Variants in MTFR1 observed in about 807,000 individuals in gnomAD.
MTFR1 encodes the protein mitochondrial fission regulator 1.
In MTFR1, 28 loss-of-function variants were observed where a neutral mutation model predicts 38.8. The observed-to-expected ratio is 0.72, with a 90% CI of 0.53 to 0.99. The LOEUF (loss-of-function observed/expected upper bound fraction) is 0.99. Among genes scored for constraint, MTFR1 ranks in the 50% least tolerant of loss-of-function variants. The pLI, the probability that MTFR1 is intolerant of heterozygous loss-of-function variation, is 0.00. For synonymous variants in MTFR1, 145 were observed against 137.0 expected, an observed-to-expected ratio of 1.06 and a Z score of -0.41; for missense variants, 358 against 395.5, an observed-to-expected ratio of 0.91 and a Z score of 0.81.
intron 1 of MTFR1, among the ~76,000 whole-genome samples, chr8:65,660,038 C>G (rs1809368283): frequency 6.6e-6 from 1 of 152,032 alleles, no homozygotes; most frequent in Admixed American, 6.6e-5. Flanking sequence ...GCCTGTAATC[C>G]CAGCACTTCG....
At chr8:65,741,388 T>C (rs1275233666) in intron 3 of MTFR1, among the ~76,000 whole-genome samples, 1 of 152,128 alleles carries the variant, frequency 6.6e-6, no homozygotes, top group African/African-American at 2.4e-5. Flanking sequence ...TTATGAAGGA[T>C]AATAAAGGAC....
intron 2 of MTFR1, among the ~76,000 whole-genome samples, chr8:65,677,023 A>G (rs561391498): frequency 6.6e-6 from 1 of 150,406 alleles, no homozygotes; most frequent in East Asian, 2.0e-4. Flanking sequence ...TTAAAAAAGC[A>G]GTTTTCATAG....
chr8:65,683,005 G>A, intron 3 of MTFR1: 2 of 843,206 alleles, frequency 2.4e-6, no homozygotes, highest in Non-Finnish European at 2.9e-6. Flanking sequence ...ACTTTTGAAA[G>A]TCTTAGTCTT....
chr8:65,742,123 T>C (rs1364262513), intron 3 of MTFR1, among the ~76,000 whole-genome samples: 1 of 152,224 alleles, frequency 6.6e-6, no homozygotes, highest in Non-Finnish European at 1.5e-5. Flanking sequence ...GAAGAACTTT[T>C]TAAAAAATGG....
chr8:65,762,547 C>G (rs1808553259), intron 3 of MTFR1, among the ~76,000 whole-genome samples: 1 of 152,154 alleles, frequency 6.6e-6, no homozygotes, highest in African/African-American at 2.4e-5. Flanking sequence ...GTTAAGGTCT[C>G]TAATCCTCAG....
At chr8:65,680,941 T>C (rs1804863543) in intron 2 of MTFR1, among the ~76,000 whole-genome samples, 1 of 137,744 alleles carries the variant, frequency 7.3e-6, no homozygotes, top group Non-Finnish European at 1.5e-5. Flanking sequence ...AGTCTCGCTC[T>C]GTCGCCCAGG....
chr8:65,705,820 A>G (rs1370624281), intron 5 of MTFR1, among the ~76,000 whole-genome samples: 1 of 152,248 alleles, frequency 6.6e-6, no homozygotes, highest in South Asian at 2.1e-4. Context: ...CCTTTTGCAC[A>G]GAGTAGAACC....
At chr8:65,729,726 C>CTTT (rs34749293) in intron 3 of MTFR1, among the ~76,000 whole-genome samples, 1 of 140,734 alleles carries the variant, frequency 7.1e-6, no homozygotes, top group Non-Finnish European at 1.6e-5. Flanking sequence ...CCATGCCTGA[C>CTTT]TTTTTTTTTT....
Position 65,688,634 on chromosome 8 carries a change from C to T in MTFR1, c.166-5010C>T, listed in dbSNP as rs547022095. On this transcript the variant is annotated intron_variant, in intron 3 of 7. Transcript: ENST00000262146. ...CAGCTAATTGTATTTTTAGTAGAGACGGGGTTTCACCATGTTAGCCAGGAT... is the reference window on the plus strand; with the variant it reads ...CAGCTAATTGTATTTTTAGTAGAGATGGGGTTTCACCATGTTAGCCAGGAT... Among the ~76,000 whole-genome samples the T allele has an allele frequency of 1.5e-4, 23 of 149,674 alleles. 1 individual carries two copies. The South Asian group carries it at 3.6e-3, about 24-fold the overall frequency.
intron 3 of MTFR1, among the ~76,000 whole-genome samples, chr8:65,730,014 C>A (rs973872422): frequency 6.6e-6 from 1 of 151,738 alleles, no homozygotes; most frequent in African/African-American, 2.4e-5. Flanking sequence ...TGGTCCATGG[C>A]CTGTTAGGAA....
Position 65,741,694 on chromosome 8 carries a change from T to G in MTFR1, c.*48+22213T>G, listed in dbSNP as rs1807444180. ...TGGTGTGGAGCCATTTCTGAAGAAG[T>G]GAACAACGTGTCTGTTGCTATTGCT... On this transcript the variant is annotated intron_variant, in intron 3 of 3. Transcript: ENST00000521247. Among the ~76,000 whole-genome samples the G allele has an allele frequency of 2.6e-5, 4 of 152,234 alleles. No individual in the cohort carries two copies. The South Asian group carries it at 8.3e-4, about 31-fold the overall frequency.
chr8:65,686,370 A>C (rs1311305132), intron 3 of MTFR1, among the ~76,000 whole-genome samples: 1 of 149,038 alleles, frequency 6.7e-6, no homozygotes, highest in East Asian at 2.0e-4. Context: ...TCAGGAGTTC[A>C]AGACCAGCCT....
rs576978490 is a variant in MTFR1, at chr8:65,716,289, T to C, written c.382-3091T>C. ...TTCCCCTGAGAATGTGGAAATAGGA[T>C]GATCTTTTCAGTTTCAAACTATAAG... On this transcript the variant is annotated intron_variant, in intron 2 of 3. Transcript: ENST00000521247. Among the ~76,000 whole-genome samples, 8 of 152,274 alleles carry C rather than the reference T, an allele frequency of 5.3e-5. 1 individual carries two copies. In the South Asian group the frequency reaches 1.7e-3, roughly 32 times the overall value.
chr8:65,694,984 G>A (rs11995337), intron 4 of MTFR1, among the ~76,000 whole-genome samples: 37,703 of 152,140 alleles, frequency 0.25, 5,040 homozygotes, highest in African/African-American at 0.34. Context: ...GTAGAGGTTT[G>A]AAGGTCTTAC....
At chr8:65,671,784 G>T (rs79531426) in intron 2 of MTFR1, among the ~76,000 whole-genome samples, 7,406 of 152,174 alleles carry the variant, frequency 0.049, 950 homozygotes, top group East Asian at 0.46. Context: ...TCTGAAATTT[G>T]TCTCTGTCAG....
intron 3 of MTFR1, among the ~76,000 whole-genome samples, chr8:65,726,489 T>G (rs1483620000): frequency 6.6e-6 from 1 of 152,156 alleles, no homozygotes; most frequent in East Asian, 1.9e-4. Flanking sequence ...ATGAATCTAT[T>G]TAATGTAATA....
chr8:65,733,864 C>T (rs892748421), intron 3 of MTFR1, among the ~76,000 whole-genome samples: 12 of 152,094 alleles, frequency 7.9e-5, no homozygotes, highest in Admixed American at 6.5e-4. Context: ...ATCCTGTTTC[C>T]CGCCTAACAC....
At chr8:65,717,294 C>T (rs1211390099) in intron 2 of MTFR1, among the ~76,000 whole-genome samples, 1 of 152,228 alleles carries the variant, frequency 6.6e-6, no homozygotes, top group Non-Finnish European at 1.5e-5. Context: ...GGGAATGGCA[C>T]AGTGGTACCT....
chr8:65,719,776 T>C (rs1806296641), intron 3 of MTFR1: 1 of 405,296 alleles, frequency 2.5e-6, no homozygotes, highest in Non-Finnish European at 4.6e-6. Flanking sequence ...AACTACATTC[T>C]TCTACTTAAG....
Sources: allele counts gnomAD v4.1 joint callset (sites outside exome capture counted in the v4.1 genomes callset), GRCh38; gene constraint gnomAD v4.1.1; transcripts MANE v1.5; gene names NCBI Gene and HGNC (gene_info 2026-07-23, HGNC 2026-07-21).